The following POU6F2 variants were observed in gnomAD, a reference collection of about 807,000 sequenced individuals.
The protein encoded by POU6F2 is POU class 6 homeobox 2, also known as POU domain, class 6, transcription factor 2.
A neutral mutation model predicts 71.3 loss-of-function variants in POU6F2; 31 were observed. The observed-to-expected ratio is 0.43, with a 90% confidence interval of 0.33 to 0.59. POU6F2 has a LOEUF of 0.59. Among genes scored for constraint, POU6F2 ranks in the 20% least tolerant of loss-of-function variants. The pLI is 0.04. For missense variants in POU6F2, 783 were observed against 856.8 expected (o/e 0.91, Z 1.07); for synonymous variants, 347 against 355.7 (o/e 0.98, Z 0.27).
intron 4 of POU6F2, among the ~76,000 whole-genome samples, chr7:39,256,678 C>T (rs890377487): frequency 1.3e-5 from 2 of 152,062 alleles, no homozygotes; most frequent in Non-Finnish European, 2.9e-5. Context: ...CAGAAGGAGG[C>T]AGAAAAAAGT....
At chr7:39,396,916 T>G (rs1236124375) in intron 5 of POU6F2, among the ~76,000 whole-genome samples, 5 of 150,462 alleles carry the variant, frequency 3.3e-5, no homozygotes, top group Admixed American at 3.3e-4. Flanking sequence ...AAAAAAAGAC[T>G]TGTTCACTGC....
intron 1 of POU6F2, among the ~76,000 whole-genome samples, chr7:38,991,442 AAGTT>A (rs1788601239): frequency 1.3e-5 from 2 of 152,110 alleles, no homozygotes; most frequent in Non-Finnish European, 2.9e-5. Flanking sequence ...TACCAGTGGA[AAGTT>A]TGGGTCTGAG....
chr7:39,399,289 G>T (rs1274002616), intron 5 of POU6F2, among the ~76,000 whole-genome samples: 2 of 152,006 alleles, frequency 1.3e-5, no homozygotes, highest in African/African-American at 4.8e-5. Flanking sequence ...TCTGTCATTC[G>T]CACTGTATCC....
At chr7:39,182,165 G>A (rs972237070) in intron 2 of POU6F2, among the ~76,000 whole-genome samples, 8 of 152,022 alleles carry the variant, frequency 5.3e-5, no homozygotes, top group Admixed American at 1.3e-4. Flanking sequence ...TAAATAATAC[G>A]AATGACACAT....
chr7:39,111,397 A>G (rs1244228868), intron 2 of POU6F2, among the ~76,000 whole-genome samples: 1 of 152,162 alleles, frequency 6.6e-6, no homozygotes, highest in African/African-American at 2.4e-5. Context: ...GGATGGTAAA[A>G]CGAAAGTGAA....
chr7:39,245,579 T>TCA (rs1431840516), intron 4 of POU6F2, among the ~76,000 whole-genome samples: 6 of 152,202 alleles, frequency 3.9e-5, no homozygotes, highest in African/African-American at 1.2e-4. Context: ...CTGCGTCACA[T>TCA]CATTCAGTTT....
chr7:39,100,195 C>G (rs541977991), intron 2 of POU6F2, among the ~76,000 whole-genome samples: 12 of 152,236 alleles, frequency 7.9e-5, no homozygotes, highest in Middle Eastern at 3.4e-3. Flanking sequence ...AACAATGAAC[C>G]CTTTTCATAT....
intron 6 of POU6F2, among the ~76,000 whole-genome samples, chr7:39,414,675 C>T (rs987558971): frequency 1.3e-5 from 2 of 151,884 alleles, no homozygotes; most frequent in Non-Finnish European, 2.9e-5. Context: ...GGGTGCGGCC[C>T]CGCCCAAGGT....
chr7:39,199,830 A>G (rs1217272966), intron 2 of POU6F2, among the ~76,000 whole-genome samples: 1 of 152,206 alleles, frequency 6.6e-6, no homozygotes, highest in African/African-American at 2.4e-5. Flanking sequence ...CAAGTGTACC[A>G]TCCAAACTCC....
intron 1 of POU6F2, among the ~76,000 whole-genome samples, chr7:38,989,419 GC>G (rs973710408): frequency 3.9e-4 from 60 of 151,912 alleles, no homozygotes; most frequent in Admixed American, 3.9e-4. Context: ...AAATAGGGCA[GC>G]CATAAAACAA....
chr7:38,996,269 G>C (rs1172679313), intron 1 of POU6F2, among the ~76,000 whole-genome samples: 1 of 151,734 alleles, frequency 6.6e-6, no homozygotes, highest in Non-Finnish European at 1.5e-5. Context: ...TCAAACTCCC[G>C]ACTTGAGGTG....
chr7:39,165,190 C>T (rs1163137331), intron 2 of POU6F2, among the ~76,000 whole-genome samples: 1 of 152,158 alleles, frequency 6.6e-6, no homozygotes, highest in Non-Finnish European at 1.5e-5. Flanking sequence ...GGCAACTACA[C>T]TCCCCCCAGC....
chr7:39,098,942 A>C (rs1375421109), intron 2 of POU6F2, among the ~76,000 whole-genome samples: 1 of 152,202 alleles, frequency 6.6e-6, no homozygotes, highest in Non-Finnish European at 1.5e-5. Context: ...GCTTCTCCAT[A>C]AGGAAACATG....
At chr7:39,401,771 G>C (rs118175063) in intron 5 of POU6F2, among the ~76,000 whole-genome samples, 1 of 152,156 alleles carries the variant, frequency 6.6e-6, no homozygotes, top group Admixed American at 6.5e-5. Flanking sequence ...CAATGACACC[G>C]TAGTCCCAGG....
intron 4 of POU6F2, among the ~76,000 whole-genome samples, chr7:39,317,052 T>A (rs1277488760): frequency 6.6e-6 from 1 of 152,212 alleles, no homozygotes; most frequent in African/African-American, 2.4e-5. Context: ...AATCAGGAGC[T>A]CACCTTCCTT....
chr7:39,126,318 T>C (rs574562236), intron 2 of POU6F2, among the ~76,000 whole-genome samples: 1 of 152,218 alleles, frequency 6.6e-6, no homozygotes, highest in East Asian at 1.9e-4. Context: ...AGCCACCACT[T>C]GGAGGGCAGG....
At chr7:39,195,975 A>T (rs1008140500) in intron 2 of POU6F2, among the ~76,000 whole-genome samples, 8 of 152,210 alleles carry the variant, frequency 5.3e-5, no homozygotes, top group Admixed American at 4.6e-4. Flanking sequence ...AAGATTATTT[A>T]ACAGCTTTGG....
intron 2 of POU6F2, among the ~76,000 whole-genome samples, chr7:39,137,107 T>G (rs1183747423): frequency 2.0e-5 from 3 of 152,070 alleles, no homozygotes; most frequent in Non-Finnish European, 4.4e-5. Flanking sequence ...TAACTATAAT[T>G]TATTGTATAT....
intron 4 of POU6F2, among the ~76,000 whole-genome samples, chr7:39,218,628 G>A (rs1794289427): frequency 6.6e-6 from 1 of 152,088 alleles, no homozygotes; most frequent in Non-Finnish European, 1.5e-5. Context: ...AGGCACTATA[G>A]TAGGCACTCC....
Sources: gnomAD v4.1 joint callset for allele counts (sites outside exome capture counted in the v4.1 genomes callset) on GRCh38, gnomAD v4.1.1 for gene constraint, MANE v1.5 for transcripts, NCBI Gene and HGNC (gene_info 2026-07-23, HGNC 2026-07-21) for gene names.